The following CRX variants were observed in gnomAD, a reference collection of about 807,000 sequenced individuals.
CRX encodes the protein cone-rod homeobox protein.
In CRX, 5 loss-of-function variants were observed where a neutral mutation model predicts 13.1. The observed-to-expected ratio is 0.38, with a 90% confidence interval of 0.20 to 0.80. CRX has a LOEUF of 0.80. Ranked by LOEUF, CRX falls within the 30% of genes least tolerant of loss-of-function variation. The probability of loss-of-function intolerance (pLI) is 0.43; values close to 1 mark genes in which losing one functional copy is unlikely to be tolerated. For missense variants in CRX, 351 were observed against 391.8 expected (o/e 0.90, Z 0.88); for synonymous variants, 179 against 171.1 (o/e 1.05, Z -0.36).
rs1033396709 is a variant in CRX at position 47,840,193 on chromosome 19, C to G, written c.*226C>G. 5.3e-6 allele frequency: 3 copies of G among 568,462 alleles called. No homozygotes were observed. In the African/African-American group the frequency reaches 5.6e-5, roughly 11 times the overall value. 35.2% of individuals were successfully genotyped at this position (568,462 alleles called of 1,614,324 possible). On this transcript the variant is annotated 3_prime_UTR_variant, in exon 4 of 4. Transcript: ENST00000221996. The stretch of plus-strand genomic sequence containing the variant: ...ACAGGTCCTAGTGATTCTCTCAACC[C>G]TAACACCGTCTGGCACGATTGTGAC...
In CRX at chr19:47,841,147, C is replaced by T. The variant is rs1260779370; in HGVS notation, c.*1180C>T. The T allele has an allele frequency of 6.6e-6, 1 of 152,174 alleles. No homozygotes were observed. The highest frequency in any genetic ancestry group is 1.5e-5 in the Non-Finnish European group (1 of 68,032). The allele number at this position is 152,174 out of a possible 1,614,324, so 9.4% of individuals were successfully genotyped here. A position where few individuals can be genotyped will look rare whatever the true frequency, so the allele number is the denominator to read the frequency against. The stretch of plus-strand genomic sequence containing the variant: ...TTAAAAATAAATTATCTGGGAATTT[C>T]ACAGACTTCACAAATGTCAGGCTTA... On this transcript the variant is annotated 3_prime_UTR_variant, in exon 4 of 4. Coordinates refer to ENST00000221996, the MANE Select transcript of CRX (RefSeq NM_000554.6).
At position 47,842,839 on chromosome 19, in the gene CRX, T is replaced by G. The variant is rs1968215181; in HGVS notation, c.*2872T>G. On this transcript the variant is annotated 3_prime_UTR_variant, in exon 4 of 4. Transcript: ENST00000221996. ...GCCGGGACTCAGGCGTGGAAGAGAA[T>G]CTTCTCCTTATTCACCGGGGAGGCT... 1 of 152,204 alleles carries G rather than the reference T, an allele frequency of 6.6e-6. No individual in the cohort carries two copies. The highest frequency in any genetic ancestry group is 3.2e-3 in the Middle Eastern group (1 of 316). The allele number at this position is 152,204 out of a possible 1,614,324, so 9.4% of individuals were successfully genotyped here.
chr19:47,827,748 C>G (rs1462068523), intron 1 of CRX, among the ~76,000 whole-genome samples: 1 of 133,764 alleles, frequency 7.5e-6, no homozygotes, highest in Non-Finnish European at 1.6e-5. Flanking sequence ...ATCTCAAACT[C>G]CTGACCTCAA....
At chr19:47,836,037 C>T (rs1441734747) in intron 2 of CRX, among the ~76,000 whole-genome samples, 3 of 152,174 alleles carry the variant, frequency 2.0e-5, no homozygotes, top group Non-Finnish European at 4.4e-5. Flanking sequence ...TCGCACACCT[C>T]CTTGTTGAGC....
Position 47,836,265 on chromosome 19 carries a change from G to A in CRX, c.123G>A (p.Arg41=), listed in dbSNP as rs181068147. ...PYPSAPRKQR[R]ERTTFTRSQL... ...CAGGCGCCCCCAGGAAGCAGCGGCG[G>A]GAGCGCACCACCTTCACCCGGAGCC... Residue 41 remains arginine (R), a synonymous_variant, in exon 3 of 4, where the codon CGG becomes CGA. Coordinates refer to ENST00000221996, the MANE Select transcript of CRX (RefSeq NM_000554.6). 3.7e-6 allele frequency: 6 copies of A among 1,614,170 alleles called. 1 individual carries two copies. In the African/African-American group the frequency reaches 5.3e-5, roughly 14 times the overall value.
rs1191822941 is a variant in CRX, at chr19:47,840,984, G to A, written c.*1017G>A. On this transcript the variant is annotated 3_prime_UTR_variant, in exon 4 of 4. Coordinates refer to ENST00000221996, the MANE Select transcript of CRX (RefSeq NM_000554.6). ...CTGCCTCGGCCTCCCAAAGTGCTGG[G>A]ATTACAGGCATGAGCCATTGTGCCT... is the stretch of plus-strand genomic sequence containing the variant. The A allele has an allele frequency of 6.6e-6, 1 of 152,360 alleles. No individual in the cohort carries two copies. Among genetic ancestry groups the A allele is most frequent in the African/African-American group, 2.4e-5 (1 of 41,450 alleles). 9.4% of individuals were successfully genotyped at this position (152,360 alleles called of 1,614,324 possible).
chr19:47,838,604 AATGT>A (rs1968148353), intron 3 of CRX, among the ~76,000 whole-genome samples: 1 of 152,142 alleles, frequency 6.6e-6, no homozygotes, highest in Admixed American at 6.5e-5. Flanking sequence ...TGAGCCAGTG[AATGT>A]ATGTATGATG....
intron 1 of CRX, among the ~76,000 whole-genome samples, chr19:47,826,596 T>C (rs8100396): frequency 0.24 from 36,457 of 152,040 alleles, 4,689 homozygotes; most frequent in African/African-American, 0.3. Context: ...CAGAGTGACA[T>C]GCTGTCCCTA....
chr19:47,838,372 G>C (rs1968144966), intron 3 of CRX, among the ~76,000 whole-genome samples: 1 of 152,086 alleles, frequency 6.6e-6, no homozygotes, highest in Non-Finnish European at 1.5e-5. Flanking sequence ...TATATAATTA[G>C]ATGGATAAAT....
chr19:47,841,014 C>T lies in CRX; in HGVS notation c.*1047C>T, dbSNP rs1009329214. 6.6e-6 allele frequency: 1 copy of T among 152,200 alleles called. No homozygotes were observed. The highest frequency in any genetic ancestry group is 2.4e-5 in the African/African-American group (1 of 41,422). 9.4% of individuals were successfully genotyped at this position (152,200 alleles called of 1,614,324 possible). ...CAGGCATGAGCCATTGTGCCTGGCCCTACACGTGGACACTTCTTTAGCATA... is the reference window on the plus strand; with the variant it reads ...CAGGCATGAGCCATTGTGCCTGGCCTTACACGTGGACACTTCTTTAGCATA... On this transcript the variant is annotated 3_prime_UTR_variant, in exon 4 of 4. Coordinates refer to ENST00000221996, the MANE Select transcript of CRX (RefSeq NM_000554.6).
intron 1 of CRX, among the ~76,000 whole-genome samples, chr19:47,829,550 T>G (rs925030184): frequency 3.3e-5 from 5 of 151,996 alleles, no homozygotes; most frequent in Non-Finnish European, 7.4e-5. Context: ...AGGCTGGTCT[T>G]GAACTCTTGA....
At chr19:47,829,383 G>T (rs1042503011) in intron 1 of CRX, among the ~76,000 whole-genome samples, 3 of 152,082 alleles carry the variant, frequency 2.0e-5, no homozygotes, top group Non-Finnish European at 2.9e-5. Context: ...CCAGGCTGGA[G>T]TGCAATGGCG....
chr19:47,828,582 A>G (rs1968004429), intron 1 of CRX, among the ~76,000 whole-genome samples: 1 of 148,966 alleles, frequency 6.7e-6, no homozygotes, highest in African/African-American at 2.5e-5. Context: ...CGTTTAATAC[A>G]AGCTGTGTCT....
intron 1 of CRX, among the ~76,000 whole-genome samples, chr19:47,832,207 G>A (rs1599978673): frequency 7.3e-6 from 1 of 137,850 alleles, no homozygotes; most frequent in East Asian, 2.1e-4. Flanking sequence ...CCGGGTTCAA[G>A]CGATTCTCCT....
At chr19:47,838,570 T>C (rs945841040) in intron 3 of CRX, among the ~76,000 whole-genome samples, 7 of 152,268 alleles carry the variant, frequency 4.6e-5, no homozygotes, top group Middle Eastern at 3.4e-3. Flanking sequence ...GTATGATGCA[T>C]GTACACTTGC....
Position 47,840,703 on chromosome 19 carries a change from C to CTTTTATT in CRX, c.*740_*741insATTTTTT, listed in dbSNP as rs1968185243. 1.0e-5 allele frequency: 1 copy of CTTTTATT among 97,134 alleles called. No individual in the cohort carries two copies. Among genetic ancestry groups the CTTTTATT allele is most frequent in the South Asian group, 3.9e-4 (1 of 2,596 alleles). The allele number at this position is 97,134 out of a possible 1,614,324, so 6.0% of individuals were successfully genotyped here. A position where few individuals can be genotyped will look rare whatever the true frequency, so the allele number is the denominator to read the frequency against. On this transcript the variant is annotated 3_prime_UTR_variant, in exon 4 of 4. Transcript: ENST00000221996. ...CAGGCGTGAGCCACCGCGCCCGGCC[C>CTTTTATT]TTTTTTTTTTTTTTTTTTTTAATTG...
intron 1 of CRX, among the ~76,000 whole-genome samples, chr19:47,822,366 T>C (rs1967922712): frequency 6.6e-6 from 1 of 152,234 alleles, no homozygotes; most frequent in Non-Finnish European, 1.5e-5. Context: ...CTCTGTTGGA[T>C]GTTCTTTAAA....
intron 2 of CRX, among the ~76,000 whole-genome samples, chr19:47,835,358 T>A (rs191305623): frequency 6.6e-6 from 1 of 150,940 alleles, no homozygotes; most frequent in Non-Finnish European, 1.5e-5. Context: ...GCACCTGGCC[T>A]GCAAAGCCTT....
rs1968196192 is a variant in CRX, at chr19:47,841,497, CAA to C, written c.*1531_*1532del. On this transcript the variant is annotated 3_prime_UTR_variant, in exon 4 of 4. Coordinates refer to ENST00000221996, the MANE Select transcript of CRX (RefSeq NM_000554.6). ...AGACAGACTCCCATCTGTAAATAAACAAGAGATAGGAAGAGGGGGAAATAGAT... is the reference window on the plus strand; with the variant it reads ...AGACAGACTCCCATCTGTAAATAAACGAGATAGGAAGAGGGGGAAATAGAT... 6.6e-6 allele frequency: 1 copy of C among 151,174 alleles called. No individual in the cohort carries two copies. Among genetic ancestry groups the C allele is most frequent in the Admixed American group, 6.6e-5 (1 of 15,120 alleles). 9.4% of individuals were successfully genotyped at this position (151,174 alleles called of 1,614,324 possible).
Sources: allele counts gnomAD v4.1 joint callset (sites outside exome capture counted in the v4.1 genomes callset), GRCh38; gene constraint gnomAD v4.1.1; transcripts MANE v1.5; gene names NCBI Gene and HGNC (gene_info 2026-07-23, HGNC 2026-07-21).